Variants in PEX5L observed in about 807,000 individuals in gnomAD.
PEX5L encodes peroxisomal biogenesis factor 5 like.
In PEX5L, 30 loss-of-function variants were observed where a neutral mutation model predicts 84.0. The observed-to-expected ratio is 0.36, with a 90% CI of 0.27 to 0.48. PEX5L has a LOEUF of 0.48. Ranked by LOEUF, PEX5L falls within the 20% of genes least tolerant of loss-of-function variation. PEX5L has a pLI of 0.99. For synonymous variants in PEX5L, 270 were observed against 283.1 expected (o/e 0.95, Z 0.46); for missense variants, 533 against 754.6 (o/e 0.71, Z 3.44).
chr3:179,931,862 A>C (rs1773208314), intron 2 of PEX5L, among the ~76,000 whole-genome samples: 1 of 152,220 alleles, frequency 6.6e-6, no homozygotes, highest in South Asian at 2.1e-4. Flanking sequence ...TGTCTATCAG[A>C]TTGGCAAAGA....
intron 2 of PEX5L, among the ~76,000 whole-genome samples, chr3:179,901,158 G>T (rs1761191301): frequency 6.6e-6 from 1 of 152,026 alleles, no homozygotes; most frequent in African/African-American, 2.4e-5. Flanking sequence ...TAACTGTGCA[G>T]GTTTCTTTCT....
At position 180,036,921 on chromosome 3, in the gene PEX5L, A is replaced by C; in HGVS notation, c.-322T>G. 5.2e-6 allele frequency: 2 copies of C among 381,038 alleles called. No individual in the cohort carries two copies. Among genetic ancestry groups the C allele is most frequent in the East Asian group, 4.4e-5 (1 of 22,726 alleles). 23.6% of individuals were successfully genotyped at this position (381,038 alleles called of 1,614,324 possible). ...CTAGAACTCACTCCTTCTTCGCCGA[A>C]CTCTTTCTCGCTTCCTGCCAGGTTG... is the stretch of plus-strand genomic sequence containing the variant. On this transcript the variant is annotated 5_prime_UTR_variant, in exon 1 of 15. Transcript: ENST00000467460.
At chr3:179,965,848 AAATAGAG>A (rs1783196360) in intron 2 of PEX5L, among the ~76,000 whole-genome samples, 1 of 152,188 alleles carries the variant, frequency 6.6e-6, no homozygotes, top group African/African-American at 2.4e-5. Flanking sequence ...TACTTGATAC[AAATAGAG>A]AATATTTAGG....
intron 8 of PEX5L, among the ~76,000 whole-genome samples, chr3:179,833,823 G>C (rs996955208): frequency 2.0e-5 from 3 of 151,854 alleles, no homozygotes; most frequent in Admixed American, 6.6e-5. Flanking sequence ...ACACACACAC[G>C]GTTTTTCATT....
chr3:180,010,178 C>T lies in PEX5L; in HGVS notation c.21+26401G>A, dbSNP rs549132108. Among the ~76,000 whole-genome samples the T allele has an allele frequency of 1.3e-4, 19 of 151,508 alleles. No individual in the cohort carries two copies. The East Asian group carries it at 1.6e-3, about 12-fold the overall frequency. On this transcript the variant is annotated intron_variant, in intron 1 of 14. Coordinates refer to ENST00000467460, the MANE Select transcript of PEX5L (RefSeq NM_016559.3). Reference sequence around the variant, plus strand: ...GCCAGGATGGTCTCAATCTCCTGACCGTGTGATCTGTCTGCCACGGCCTCC... The same window carrying T: ...GCCAGGATGGTCTCAATCTCCTGACTGTGTGATCTGTCTGCCACGGCCTCC...
At chr3:179,815,094 A>T (rs1725519012) in intron 10 of PEX5L, among the ~76,000 whole-genome samples, 1 of 152,220 alleles carries the variant, frequency 6.6e-6, no homozygotes, top group Non-Finnish European at 1.5e-5. Flanking sequence ...GTTTTCCCAG[A>T]TAGACCATAA....
intron 1 of PEX5L, among the ~76,000 whole-genome samples, chr3:179,977,072 A>G (rs1308734627): frequency 6.6e-6 from 1 of 152,218 alleles, no homozygotes; most frequent in Non-Finnish European, 1.5e-5. Context: ...CAAATACTAA[A>G]AGTCTTTTTC....
chr3:179,978,810 A>G (rs1471686958), intron 1 of PEX5L, among the ~76,000 whole-genome samples: 1 of 152,202 alleles, frequency 6.6e-6, no homozygotes, highest in Non-Finnish European at 1.5e-5. Context: ...AGGAGGAACG[A>G]TTTCTGATCA....
At chr3:179,986,444 C>T (rs1388030277) in intron 1 of PEX5L, among the ~76,000 whole-genome samples, 1 of 146,504 alleles carries the variant, frequency 6.8e-6, no homozygotes, top group African/African-American at 2.5e-5. Flanking sequence ...GCTCTGTCAC[C>T]CAGGCTGGAG....
At chr3:179,892,602 C>A (rs908622870) in intron 3 of PEX5L, among the ~76,000 whole-genome samples, 1 of 152,092 alleles carries the variant, frequency 6.6e-6, no homozygotes, top group Non-Finnish European at 1.5e-5. Flanking sequence ...TGGATTTGAT[C>A]AATTCACAGA....
chr3:179,879,893 A>AG lies in PEX5L; in HGVS notation c.505+35dup. The AG allele has an allele frequency of 3.5e-6, 5 of 1,431,266 alleles. No individual in the cohort carries two copies. In the Middle Eastern group the frequency reaches 9.2e-4, roughly 264 times the overall value. 88.7% of individuals were successfully genotyped at this position (1,431,266 alleles called of 1,614,324 possible). On this transcript the variant is annotated intron_variant, in intron 5 of 14. Transcript: ENST00000467460. Reference sequence around the variant, plus strand: ...CTCTTGTATCCACATCAGCAGAGCAAGGTTGAGCATCCATAGCCGCAAGCG... The same window carrying AG: ...CTCTTGTATCCACATCAGCAGAGCAAGGGTTGAGCATCCATAGCCGCAAGCG...
intron 8 of PEX5L, among the ~76,000 whole-genome samples, chr3:179,856,464 A>T (rs1743982361): frequency 6.6e-6 from 1 of 152,224 alleles, no homozygotes; most frequent in Non-Finnish European, 1.5e-5. Context: ...CAGATAAAAT[A>T]TTGCAACTTT....
At chr3:179,982,828 A>T (rs773226919) in intron 1 of PEX5L, among the ~76,000 whole-genome samples, 23 of 152,096 alleles carry the variant, frequency 1.5e-4, no homozygotes, top group African/African-American at 5.1e-4. Context: ...GAGATGAAGC[A>T]AGGCTTTAGT....
At chr3:179,947,710 CT>C (rs34097310) in intron 2 of PEX5L, among the ~76,000 whole-genome samples, 24 of 139,366 alleles carry the variant, frequency 1.7e-4, no homozygotes, top group South Asian at 2.3e-4. Context: ...AAAAAAGTTA[CT>C]TTTTTTTTTT....
chr3:179,847,002 G>C (rs1169682474), intron 8 of PEX5L, among the ~76,000 whole-genome samples: 2 of 151,556 alleles, frequency 1.3e-5, no homozygotes, highest in Non-Finnish European at 2.9e-5. Context: ...TATATATAGA[G>C]ATCTACATAT....
intron 2 of PEX5L, among the ~76,000 whole-genome samples, chr3:179,942,032 A>AAAAAAAAGAAG: frequency 6.6e-6 from 1 of 151,646 alleles, no homozygotes; most frequent in East Asian, 1.9e-4. Context: ...AAAAAAAAAA[A>AAAAAAAAGAAG]AAAAGAAGAA....
chr3:179,942,507 ACCGGTAGGCACTCGGAGGCGCG>A (rs1457085385), intron 2 of PEX5L, among the ~76,000 whole-genome samples: 10 of 152,338 alleles, frequency 6.6e-5, no homozygotes, highest in Non-Finnish European at 1.3e-4. Context: ...GGGCAGTGGC[ACCGGTAGGCACTCGGAGGCGCG>A]GAATCTCCTT....
chr3:180,025,520 C>T (rs1267389787), intron 1 of PEX5L, among the ~76,000 whole-genome samples: 1 of 152,086 alleles, frequency 6.6e-6, no homozygotes, highest in East Asian at 1.9e-4. Flanking sequence ...ATGTAAGCTG[C>T]TAAAGAAGCA....
chr3:179,905,519 A>G (rs547276209), intron 2 of PEX5L, among the ~76,000 whole-genome samples: 141 of 152,184 alleles, frequency 9.3e-4, no homozygotes, highest in Non-Finnish European at 1.7e-3. Flanking sequence ...TCGACCTCCC[A>G]AAGTGCTGGG....
Sources: allele counts gnomAD v4.1 joint callset (sites outside exome capture counted in the v4.1 genomes callset), GRCh38; gene constraint gnomAD v4.1.1; transcripts MANE v1.5; gene names NCBI Gene and HGNC (gene_info 2026-07-23, HGNC 2026-07-21).